Variants in ACTR3C observed in about 807,000 individuals in gnomAD.
ACTR3C encodes the protein actin-related protein 3C.
A neutral mutation model predicts 26.3 loss-of-function variants in ACTR3C; 18 were observed. That is an observed-to-expected ratio of 0.68 (90% CI 0.47 to 1.01). The LOEUF (loss-of-function observed/expected upper bound fraction) is 1.01, where lower values mean the gene tolerates loss of function less well. ACTR3C is among the 50% of genes least tolerant of loss of function. ACTR3C has a pLI of 0.00. For synonymous variants in ACTR3C, 55 were observed against 94.5 expected (o/e 0.58, Z 2.42); for missense variants, 184 against 250.7 (o/e 0.73, Z 1.80).
the ACTR3C span, among the ~76,000 whole-genome samples, chr7:149,966,223 G>C: frequency 6.6e-6 from 1 of 152,258 alleles, no homozygotes; most frequent in East Asian, 1.9e-4. Context: ...AGCTCATTCT[G>C]TGGACCGCAC....
At chr7:150,317,481 T>C (rs745524554) in intron 1 of ACTR3C, among the ~76,000 whole-genome samples, 1 of 152,330 alleles carries the variant, frequency 6.6e-6, no homozygotes, top group Non-Finnish European at 1.5e-5. Flanking sequence ...CAGTTAATTA[T>C]TTTGTGTTTC....
At chr7:150,008,371 C>T in the ACTR3C span, among the ~76,000 whole-genome samples, 1,154 of 152,172 alleles carry the variant, frequency 7.6e-3, 16 homozygotes, top group African/African-American at 0.026. Context: ...GCATGCTCTC[C>T]ACTGTGCTGC....
At chr7:149,930,421 A>G in the ACTR3C span, among the ~76,000 whole-genome samples, 20,672 of 152,264 alleles carry the variant, frequency 0.14, 1,777 homozygotes, top group Non-Finnish European at 0.19. Flanking sequence ...GCAAATGTTA[A>G]CAGTTGGTAA....
At chr7:149,968,146 T>G in the ACTR3C span, among the ~76,000 whole-genome samples, 1 of 152,266 alleles carries the variant, frequency 6.6e-6, no homozygotes, top group Non-Finnish European at 1.5e-5. Flanking sequence ...ACAATCAGAT[T>G]TGAGTCCCTG....
chr7:150,038,494 G>A, the ACTR3C span, among the ~76,000 whole-genome samples: 1 of 143,806 alleles, frequency 7.0e-6, no homozygotes, highest in African/African-American at 2.7e-5. Context: ...CTCATACAAA[G>A]GCTTGGCTAA....
the ACTR3C span, among the ~76,000 whole-genome samples, chr7:150,095,623 C>CTT: frequency 2.2e-5 from 3 of 138,240 alleles, no homozygotes; most frequent in African/African-American, 8.3e-5. Context: ...AAGTCCTATG[C>CTT]TTTTTTTTTT....
chr7:150,278,622 C>T (rs1237822886), intron 6 of ACTR3C, among the ~76,000 whole-genome samples: 8 of 152,218 alleles, frequency 5.3e-5, no homozygotes, highest in Non-Finnish European at 8.8e-5. Context: ...ACATCTCCAC[C>T]GGCCTCCCAC....
the ACTR3C span, among the ~76,000 whole-genome samples, chr7:150,211,755 T>A: frequency 6.6e-6 from 1 of 151,718 alleles, no homozygotes; most frequent in African/African-American, 2.4e-5. Context: ...GTCTACTGAT[T>A]CCCTGTTTCC....
chr7:150,180,507 A>ATATC, the ACTR3C span, among the ~76,000 whole-genome samples: 1 of 140,780 alleles, frequency 7.1e-6, no homozygotes, highest in Non-Finnish European at 1.5e-5. Flanking sequence ...AAATAGTAGT[A>ATATC]TATCTTTTTT....
At chr7:150,020,602 T>A in the ACTR3C span, among the ~76,000 whole-genome samples, 1 of 152,008 alleles carries the variant, frequency 6.6e-6, no homozygotes, top group Non-Finnish European at 1.5e-5. Context: ...TGGCTATCAG[T>A]GGAGAATCTC....
chr7:150,264,610 A>G (rs1343435971), intron 6 of ACTR3C: 1 of 975,248 alleles, frequency 1.0e-6, no homozygotes, highest in African/African-American at 1.8e-5. Context: ...GTATATTAAA[A>G]CTTCAAAGCA....
At chr7:150,189,290 T>C in the ACTR3C span, among the ~76,000 whole-genome samples, 1 of 152,186 alleles carries the variant, frequency 6.6e-6, no homozygotes, top group Non-Finnish European at 1.5e-5. Context: ...TTAAAGTAAC[T>C]GGTTTGTTCC....
intron 1 of ACTR3C, among the ~76,000 whole-genome samples, chr7:150,304,208 C>T (rs1795639928): frequency 2.0e-5 from 3 of 152,004 alleles, no homozygotes; most frequent in Non-Finnish European, 4.4e-5. Flanking sequence ...GCTAGGTCTA[C>T]ACTGGTTAGT....
the ACTR3C span, among the ~76,000 whole-genome samples, chr7:149,907,674 G>A: frequency 2.6e-5 from 4 of 151,364 alleles, no homozygotes; most frequent in African/African-American, 4.9e-5. Flanking sequence ...AACTGTCTTC[G>A]CTTCCCGTCT....
At chr7:149,969,404 G>T in the ACTR3C span, among the ~76,000 whole-genome samples, 1 of 151,702 alleles carries the variant, frequency 6.6e-6, no homozygotes, top group Non-Finnish European at 1.5e-5. Context: ...AGCAGTCCTG[G>T]GCTGGACTAC....
At chr7:149,937,903 C>A in the ACTR3C span, among the ~76,000 whole-genome samples, 1 of 152,250 alleles carries the variant, frequency 6.6e-6, no homozygotes, top group East Asian at 1.9e-4. Context: ...TCTGGAGGAA[C>A]TGAACCTAAG....
chr7:150,095,620 A>G, the ACTR3C span, among the ~76,000 whole-genome samples: 42 of 145,554 alleles, frequency 2.9e-4, 1 homozygote, highest in Non-Finnish European at 4.0e-4. Flanking sequence ...ACAAAGTCCT[A>G]TGCTTTTTTT....
chr7:150,096,207 TA>T, the ACTR3C span, among the ~76,000 whole-genome samples: 7 of 150,042 alleles, frequency 4.7e-5, no homozygotes, highest in African/African-American at 1.8e-4. Context: ...CCAAAGACTT[TA>T]CACTTTGGAT....
chr7:150,039,814 G>C, the ACTR3C span, among the ~76,000 whole-genome samples: 91 of 131,492 alleles, frequency 6.9e-4, 1 homozygote, highest in Admixed American at 1.2e-3. Context: ...TCCCTGCCTC[G>C]CGGGGGGTGC....
Sources: allele counts gnomAD v4.1 joint callset (sites outside exome capture counted in the v4.1 genomes callset), GRCh38; gene constraint gnomAD v4.1.1; transcripts MANE v1.5; gene names NCBI Gene and HGNC (gene_info 2026-07-23, HGNC 2026-07-21).